Variants in PRDM16 observed in about 807,000 individuals in gnomAD.
PRDM16 encodes the protein PR/SET domain 16.
Under a neutral mutation model 110.6 loss-of-function variants are expected in PRDM16, and 23 were observed. The observed-to-expected ratio is 0.21, with a 90% CI of 0.15 to 0.29. The LOEUF (loss-of-function observed/expected upper bound fraction) is 0.29. Ranked by LOEUF, PRDM16 falls within the 10% of genes least tolerant of loss-of-function variation. PRDM16 has a pLI of 1.00. For synonymous variants in PRDM16, 799 were observed against 781.8 expected (o/e 1.02, Z -0.37); for missense variants, 1,615 against 1,794.3 (o/e 0.90, Z 1.81).
chr1:3,150,522 C>T (rs574295593), intron 1 of PRDM16, among the ~76,000 whole-genome samples: 15 of 152,204 alleles, frequency 9.9e-5, no homozygotes, highest in Middle Eastern at 3.4e-3. Flanking sequence ...TGCGCCACAG[C>T]GCTCCAGCCT....
chr1:3,337,328 G>T (rs950212217), intron 3 of PRDM16, among the ~76,000 whole-genome samples: 25 of 152,326 alleles, frequency 1.6e-4, no homozygotes, highest in African/African-American at 6.0e-4. Flanking sequence ...CTGAGAGCTG[G>T]CACATTCTTC....
intron 3 of PRDM16, among the ~76,000 whole-genome samples, chr1:3,337,698 T>C (rs1011645898): frequency 2.8e-4 from 43 of 152,300 alleles, no homozygotes; most frequent in African/African-American, 9.9e-4. Context: ...TTTCCCTTGG[T>C]GTGATGCTGT....
At chr1:3,107,091 G>A (rs1642676257) in intron 1 of PRDM16, among the ~76,000 whole-genome samples, 1 of 152,260 alleles carries the variant, frequency 6.6e-6, no homozygotes, top group Non-Finnish European at 1.5e-5. Flanking sequence ...GGGGCCAGTA[G>A]GTGCCCCAGG....
At chr1:3,151,377 G>A (rs1180324267) in intron 1 of PRDM16, among the ~76,000 whole-genome samples, 3 of 152,232 alleles carry the variant, frequency 2.0e-5, no homozygotes, top group Non-Finnish European at 4.4e-5. Context: ...CCTGGGAATA[G>A]ACTCCGCTGC....
intron 3 of PRDM16, among the ~76,000 whole-genome samples, chr1:3,284,727 G>A (rs1051163022): frequency 6.6e-6 from 1 of 152,236 alleles, no homozygotes; most frequent in African/African-American, 2.4e-5. Flanking sequence ...GATAAGGGGT[G>A]TTGCTTCTAG....
intron 9 of PRDM16, among the ~76,000 whole-genome samples, chr1:3,413,859 T>G (rs1022029894): frequency 6.6e-6 from 1 of 152,180 alleles, no homozygotes; most frequent in Non-Finnish European, 1.5e-5. Flanking sequence ...GCATTGTGAT[T>G]CAGTGAGCAG....
At chr1:3,180,546 C>T (rs955565714) in intron 1 of PRDM16, among the ~76,000 whole-genome samples, 5 of 152,096 alleles carry the variant, frequency 3.3e-5, no homozygotes, top group Admixed American at 2.6e-4. Context: ...CCACAGGGCC[C>T]GAGGGCCGCA....
chr1:3,131,437 C>A (rs542807273), intron 1 of PRDM16, among the ~76,000 whole-genome samples: 28 of 152,226 alleles, frequency 1.8e-4, no homozygotes, highest in Admixed American at 1.0e-3. Context: ...ATCAAAATGG[C>A]TTTCGCTCAC....
intron 2 of PRDM16, among the ~76,000 whole-genome samples, chr1:3,231,341 T>C (rs1448186113): frequency 1.0e-5 from 1 of 99,196 alleles, no homozygotes; most frequent in Non-Finnish European, 1.8e-5. Context: ...AATAGGTGAG[T>C]GATGGGCCAG....
chr1:3,435,083 A>G lies in PRDM16; in HGVS notation c.*1272A>G, dbSNP rs1032364317. On this transcript the variant is annotated 3_prime_UTR_variant, in exon 17 of 17. Transcript: ENST00000270722. ...GGAACCTGCCGCAAGGAGCAGAGAC[A>G]GCACAGCCCCCCGGGCCCAGCCGCC... 36 of 227,448 alleles carry G rather than the reference A, an allele frequency of 1.6e-4. No individual in the cohort carries two copies. Among genetic ancestry groups the G allele is most frequent in the African/African-American group, 7.3e-4 (33 of 45,066 alleles). The allele number at this position is 227,448 out of a possible 1,614,324, so 14.1% of individuals were successfully genotyped here. A position where few individuals can be genotyped will look rare whatever the true frequency, so the allele number is the denominator to read the frequency against.
At chr1:3,285,942 C>T (rs760003968) in intron 3 of PRDM16, among the ~76,000 whole-genome samples, 8 of 152,220 alleles carry the variant, frequency 5.3e-5, no homozygotes, top group Non-Finnish European at 8.8e-5. Context: ...AAAGCCCCTG[C>T]GGCGTGACAC....
At chr1:3,404,602 A>G in intron 6 of PRDM16, 137 bp from the exon 7 acceptor site, 1 of 1,063,154 alleles carries the variant, frequency 9.4e-7, no homozygotes, top group Non-Finnish European at 1.3e-6. Flanking sequence ...GCAGGGAGAC[A>G]CCAGCATGTG....
chr1:3,075,180 A>G (rs1164080572), intron 1 of PRDM16, among the ~76,000 whole-genome samples: 1 of 152,276 alleles, frequency 6.6e-6, no homozygotes, highest in Non-Finnish European at 1.5e-5. Flanking sequence ...CTCCAAGATC[A>G]TATTTGTTTA....
intron 3 of PRDM16, among the ~76,000 whole-genome samples, chr1:3,254,924 A>C (rs1200417744): frequency 6.6e-6 from 1 of 152,252 alleles, no homozygotes; most frequent in Non-Finnish European, 1.5e-5. Flanking sequence ...AGGCTACAGT[A>C]ACCAAAACAG....
intron 1 of PRDM16, among the ~76,000 whole-genome samples, chr1:3,086,240 C>T (rs1642148393): frequency 1.3e-5 from 2 of 152,138 alleles, no homozygotes; most frequent in Non-Finnish European, 2.9e-5. Context: ...AGGTGCTTGC[C>T]TGGCTGTGAC....
chr1:3,090,336 G>C (rs769593598), intron 1 of PRDM16, among the ~76,000 whole-genome samples: 7 of 152,266 alleles, frequency 4.6e-5, no homozygotes, highest in Non-Finnish European at 8.8e-5. Context: ...CCAGCTGGGA[G>C]ACTCAGGCAC....
intron 1 of PRDM16, among the ~76,000 whole-genome samples, chr1:3,183,564 G>T (rs1346702264): frequency 6.6e-6 from 1 of 152,226 alleles, no homozygotes; most frequent in Admixed American, 6.5e-5. Flanking sequence ...GTGGGCAATC[G>T]CTTAACCCCG....
intron 2 of PRDM16, among the ~76,000 whole-genome samples, chr1:3,211,748 A>T (rs1038640382): frequency 6.6e-6 from 1 of 152,216 alleles, no homozygotes; most frequent in African/African-American, 2.4e-5. Flanking sequence ...AGGAGAATAA[A>T]TGTGCACGGA....
rs376638917 is a variant in PRDM16 at position 3,115,989 on chromosome 1, C to T, written c.37+46693C>T. 4.6e-5 allele frequency among the ~76,000 whole-genome samples: 7 copies of T among 152,286 alleles called. No homozygotes were observed. The East Asian group carries it at 1.4e-3, about 29-fold the overall frequency. The stretch of plus-strand genomic sequence containing the variant: ...CCAGCCTCCCGGGAGGACTCCCAGG[C>T]GGCCCCTCCCAGCGTCTGCAGCTCC... On this transcript the variant is annotated intron_variant, in intron 1 of 16. Transcript: ENST00000270722.
Sources: gnomAD v4.1 joint callset for allele counts (sites outside exome capture counted in the v4.1 genomes callset) on GRCh38, gnomAD v4.1.1 for gene constraint, MANE v1.5 for transcripts, NCBI Gene and HGNC (gene_info 2026-07-23, HGNC 2026-07-21) for gene names.